Variants in SCML2 observed in about 807,000 individuals in gnomAD.
SCML2 encodes sex comb on midleg-like protein 2.
A neutral mutation model predicts 48.4 loss-of-function variants in SCML2; 6 were observed. The ratio of observed to expected loss-of-function variants is 0.12; its 90% confidence interval spans 0.07 to 0.24. The LOEUF is 0.24. Among genes scored for constraint, SCML2 ranks in the 10% least tolerant of loss-of-function variants. SCML2 has a pLI of 1.00. For missense variants in SCML2, 377 were observed against 528.2 expected, an observed-to-expected ratio of 0.71 and a Z score of 2.81; for synonymous variants, 181 against 189.5, an observed-to-expected ratio of 0.95 and a Z score of 0.37.
chrX:18,242,836 T>C (rs1183688540), intron 13 of SCML2, among the ~76,000 whole-genome samples: 1 of 111,438 alleles, frequency 9.0e-6, no homozygotes, highest in Non-Finnish European at 1.9e-5. Flanking sequence ...GCTTCAAAGA[T>C]CACAAAACAG....
chrX:18,250,451 G>A (rs768257287), intron 11 of SCML2, among the ~76,000 whole-genome samples: 3 of 106,899 alleles, frequency 2.8e-5, no homozygotes, highest in South Asian at 4.3e-4. Flanking sequence ...GTGCGATCTC[G>A]GCTCACTGCA....
At chrX:18,270,788 T>C (rs1283896512) in intron 7 of SCML2, among the ~76,000 whole-genome samples, 1 of 111,519 alleles carries the variant, frequency 9.0e-6, no homozygotes, top group Non-Finnish European at 1.9e-5. Flanking sequence ...TAAAACTATA[T>C]ATAAAACTTT....
At chrX:18,294,459 AC>A (rs1928325768) in intron 7 of SCML2, among the ~76,000 whole-genome samples, 1 of 111,004 alleles carries the variant, frequency 9.0e-6, no homozygotes, top group African/African-American at 3.3e-5. Context: ...AAAACCCATC[AC>A]AGGCCCTGAG....
intron 7 of SCML2, among the ~76,000 whole-genome samples, chrX:18,283,317 C>A (rs970612367): frequency 1.8e-5 from 2 of 111,920 alleles, no homozygotes; most frequent in Non-Finnish European, 3.8e-5. Flanking sequence ...TAAGTGCCAT[C>A]TATGACAAAC....
chrX:18,315,894 A>AT (rs376234075), intron 6 of SCML2, among the ~76,000 whole-genome samples: 1,215 of 102,710 alleles, frequency 0.012, 15 homozygotes, highest in African/African-American at 0.037. Flanking sequence ...CAAATAGACT[A>AT]TTTTTTTTTT....
intron 11 of SCML2, among the ~76,000 whole-genome samples, chrX:18,249,622 A>T (rs1158026665): frequency 9.0e-6 from 1 of 111,703 alleles, no homozygotes; most frequent in African/African-American, 3.3e-5. Flanking sequence ...CTGGCCAAAA[A>T]GCTTAAAAGG....
intron 1 of SCML2, chrX:18,341,304 C>A: frequency 2.1e-6 from 1 of 478,044 alleles, no homozygotes; most frequent in Non-Finnish European, 3.4e-6. Context: ...ACCCTGCTGA[C>A]CAAAGAGGCC....
intron 8 of SCML2, 58 bp downstream of exon 8, chrX:18,265,527 A>G: frequency 1.1e-6 from 1 of 910,096 alleles, no homozygotes; most frequent in Non-Finnish European, 1.6e-6. Context: ...ATTGTATGTT[A>G]TAAATAATAA....
intron 7 of SCML2, among the ~76,000 whole-genome samples, chrX:18,267,941 A>G (rs1043692336): frequency 3.6e-5 from 4 of 111,677 alleles, no homozygotes; most frequent in Non-Finnish European, 7.5e-5. Flanking sequence ...CCAATTAAGA[A>G]TATTAAAAAA....
In SCML2 at chrX:18,330,557, T is replaced by G. The variant is rs780046113; in HGVS notation, c.91+30A>C. On this transcript the variant is annotated intron_variant, in intron 3 of 14. Coordinates refer to ENST00000251900, the MANE Select transcript of SCML2 (RefSeq NM_006089.3). ...TTTTAACACTAGTGAGGAAGAAAAC[T>G]ATGCTGTATTAAATTACTTTAAAAC... 1.5e-5 allele frequency: 14 copies of G among 924,473 alleles called. No individual in the cohort carries two copies. The East Asian group carries it at 4.5e-4, about 30-fold the overall frequency. The allele number at this position is 924,473 out of a possible 1,213,427, so 76.2% of individuals were successfully genotyped here. A position where few individuals can be genotyped will look rare whatever the true frequency, so the allele number is the denominator to read the frequency against.
At chrX:18,331,319 G>T (rs377141790) in intron 2 of SCML2, among the ~76,000 whole-genome samples, 1 of 92,171 alleles carries the variant, frequency 1.1e-5, no homozygotes, top group Non-Finnish European at 2.1e-5. Context: ...AAAATGAGCT[G>T]ATCTTTACAA....
At position 18,258,057 on chromosome X, in the gene SCML2, T is replaced by C; in HGVS notation, c.1260A>G (p.Gly420=). The change falls in exon 10 of 15, where the codon GGA becomes GGG. Residue 420 remains glycine, a synonymous_variant. Transcript: ENST00000251900. ...AGATAAGTATACCAGTTATCACTTC[T>C]CCTCCACGATTATCTGGCTTCAGGT... ...FGYLKPDNRG[G]EVITASFDGE... 2 of 1,207,041 alleles carry C rather than the reference T, an allele frequency of 1.7e-6. No individual in the cohort carries two copies. The highest frequency in any genetic ancestry group is 2.2e-6 in the Non-Finnish European group (2 of 891,900).
intron 6 of SCML2, among the ~76,000 whole-genome samples, chrX:18,308,917 A>G (rs1286255771): frequency 1.8e-5 from 2 of 111,686 alleles, no homozygotes; most frequent in Non-Finnish European, 3.8e-5. Context: ...AATCAAAACC[A>G]CAATGAGATG....
rs1435221964 is a variant in SCML2 at position 18,324,041 on chromosome X, C to T, written c.215G>A (p.Arg72His). 4.1e-6 allele frequency: 5 copies of T among 1,208,504 alleles called. No individual in the cohort carries two copies. The Admixed American group carries it at 8.8e-5, about 21-fold the overall frequency. ...TACTGAAGTGGCATTGCGAGGGTCA[C>T]GGGCTTCCAATTTCATACCAACTTT... The part of the protein sequence containing the change: ...DFKVGMKLEA[R>H]DPRNATSVCI... The change falls in exon 5 of 15, where the codon CGT becomes CAT. Residue 72 changes from arginine (R) to histidine (H), a missense_variant. Arg to His is a conservative substitution (Grantham distance 29). This residue lies in a region of SCML2 where 61 missense variants were observed against 59.9 expected (regional missense o/e 1.02). Transcript: ENST00000251900.
rs72406000 is a variant in SCML2 at position 18,312,978 on chromosome X, CGTGTGT to C, written c.486+7348_486+7353del. ...GACGTTTGGAGCCAGAATGGGTGTG[CGTGTGT>C]GTGTGTGTGTGTGTGTGTGTGTGCG... On this transcript the variant is annotated intron_variant, in intron 6 of 14. Transcript: ENST00000251900. Among the ~76,000 whole-genome samples the C allele has an allele frequency of 9.9e-3, 939 of 94,961 alleles. 8 individuals carry two copies. Among genetic ancestry groups the C allele is most frequent in the African/African-American group, 0.018 (459 of 26,033 alleles). 82.5% of individuals were successfully genotyped at this position (94,961 alleles called of 115,157 possible).
chrX:18,320,471 A>G (rs367683490), intron 5 of SCML2, 51 bp from the exon 6 acceptor site: 193 of 752,788 alleles, frequency 2.6e-4, no homozygotes, highest in Non-Finnish European at 1.9e-4. Flanking sequence ...TTGTGATACT[A>G]TTAACAAGTT....
intron 1 of SCML2, among the ~76,000 whole-genome samples, chrX:18,340,670 C>A (rs922434989): frequency 6.4e-5 from 7 of 109,120 alleles, no homozygotes; most frequent in African/African-American, 2.3e-4. Flanking sequence ...ATTAGCCAGA[C>A]GTGATGGCAG....
chrX:18,251,903 A>C (rs1262766359), intron 11 of SCML2, among the ~76,000 whole-genome samples: 1 of 112,580 alleles, frequency 8.9e-6, no homozygotes, highest in African/African-American at 3.2e-5. Context: ...GGATAAACAT[A>C]ATATAGCCAT....
chrX:18,260,431 T>C, intron 8 of SCML2, 140 bp from the exon 9 acceptor site: 1 of 477,112 alleles, frequency 2.1e-6, no homozygotes, highest in Non-Finnish European at 3.3e-6. Context: ...AACTCCCGTG[T>C]GTGTCATGAA....
Sources: gnomAD v4.1 joint callset for allele counts (sites outside exome capture counted in the v4.1 genomes callset) on GRCh38, gnomAD v4.1.1 for gene constraint, gnomAD v4.1.1 regional missense constraint, MANE v1.5 for transcripts, NCBI Gene and HGNC (gene_info 2026-07-23, HGNC 2026-07-21) for gene names.